CD28: variants seen among roughly 807,000 people sequenced by gnomAD.
CD28 encodes the protein CD28 molecule.
In CD28, 8 loss-of-function variants were observed where a neutral mutation model predicts 21.4. The observed-to-expected ratio is 0.37, with a 90% CI of 0.22 to 0.68. The LOEUF (loss-of-function observed/expected upper bound fraction) is 0.68, where lower values mean the gene tolerates loss of function less well. CD28 is among the 30% of genes least tolerant of loss of function. The probability of loss-of-function intolerance (pLI) is 0.55; values close to 1 mark genes in which losing one functional copy is unlikely to be tolerated. For missense variants in CD28, 239 were observed against 272.2 expected (o/e 0.88, Z 0.86); for synonymous variants, 106 against 104.0 (o/e 1.02, Z -0.12).
At chr2:203,724,643 C>T (rs112337644) in intron 1 of CD28, among the ~76,000 whole-genome samples, 74 of 152,236 alleles carry the variant, frequency 4.9e-4, no homozygotes, top group African/African-American at 1.5e-3. Flanking sequence ...CTTGGCCTCC[C>T]AAAGTGCTAG....
At chr2:203,734,637 C>T in intron 3 of CD28, 147 bp from the exon 4 acceptor site, 1 of 885,230 alleles carries the variant, frequency 1.1e-6, no homozygotes, top group Non-Finnish European at 1.8e-6. Context: ...TGTGATTAGT[C>T]ATTACCCAAG....
rs200453287 is a variant in CD28 at position 203,726,606 on chromosome 2, T to C, written c.53-27T>C. On this transcript the variant is annotated intron_variant, in intron 1 of 3. Transcript: ENST00000324106. The stretch of plus-strand genomic sequence containing the variant: ...AAAAATTATCCTTATATTCTTGTTC[T>C]AAGCAAATGATTTTTTTTTCCCCCA... The C allele has an allele frequency of 1.7e-4, 269 of 1,538,750 alleles. No homozygotes were observed. In the African/African-American group the frequency reaches 2.9e-3, roughly 17 times the overall value.
chr2:203,731,720 C>T (rs1401095814), intron 3 of CD28, among the ~76,000 whole-genome samples: 1 of 152,180 alleles, frequency 6.6e-6, no homozygotes, highest in Non-Finnish European at 1.5e-5. Flanking sequence ...GAATTTAAAC[C>T]GTTCACTTTC....
At chr2:203,709,948 TG>T (rs780297685) in intron 1 of CD28, among the ~76,000 whole-genome samples, 4 of 152,174 alleles carry the variant, frequency 2.6e-5, no homozygotes, top group Non-Finnish European at 5.9e-5. Context: ...GAGAGAGGCA[TG>T]GAAAGCAGGA....
rs1694027886 is a variant in CD28 at position 203,736,143 on chromosome 2, AGTT to A, written c.*1233_*1235del. 1 of 152,736 alleles carries A rather than the reference AGTT, an allele frequency of 6.5e-6. No individual in the cohort carries two copies. The highest frequency in any genetic ancestry group is 1.5e-5 in the Non-Finnish European group (1 of 68,088). 9.5% of individuals were successfully genotyped at this position (152,736 alleles called of 1,614,324 possible). Reference sequence around the variant, plus strand: ...TGTTTCATATGTTTCAGGGTTGCACAGTTGGTCTCTTTAATGTCGGTGTGGAGA... The same window carrying A: ...TGTTTCATATGTTTCAGGGTTGCACAGGTCTCTTTAATGTCGGTGTGGAGA... On this transcript the variant is annotated 3_prime_UTR_variant, in exon 4 of 4. Coordinates refer to ENST00000324106, the MANE Select transcript of CD28 (RefSeq NM_006139.4).
At chr2:203,723,281 G>C (rs1417498461) in intron 1 of CD28, among the ~76,000 whole-genome samples, 2 of 152,142 alleles carry the variant, frequency 1.3e-5, no homozygotes, top group East Asian at 3.8e-4. Flanking sequence ...GAGGTCAGGA[G>C]TTTGAGACCA....
intron 1 of CD28, among the ~76,000 whole-genome samples, chr2:203,725,146 G>A (rs996920154): frequency 8.6e-5 from 13 of 151,882 alleles, no homozygotes; most frequent in South Asian, 2.1e-4. Context: ...AAAATTAGCC[G>A]GGCATGGTGG....
Position 203,726,910 on chromosome 2 carries a change from C to T in CD28, c.330C>T (p.Tyr110=). 3.1e-6 allele frequency: 5 copies of T among 1,613,702 alleles called. No individual in the cohort carries two copies. The highest frequency in any genetic ancestry group is 2.2e-5 in the South Asian group (2 of 91,072). ...TGTATGTTAACCAAACAGATATTTA[C>T]TTCTGCAAAATTGAAGTTATGTATC... ...QNLYVNQTDI[Y]FCKIEVMYPP... is the part of the protein sequence containing the mutation. The change falls in exon 2 of 4, where the codon TAC becomes TAT. Residue 110 remains tyrosine (Y), a synonymous_variant. Coordinates refer to ENST00000324106, the MANE Select transcript of CD28 (RefSeq NM_006139.4).
chr2:203,734,479 G>T (rs1289252511), intron 3 of CD28, among the ~76,000 whole-genome samples: 1 of 152,246 alleles, frequency 6.6e-6, no homozygotes, highest in African/African-American at 2.4e-5. Context: ...GGGCCTTCAA[G>T]TGTATTTACA....
At chr2:203,714,634 C>T (rs903178641) in intron 1 of CD28, among the ~76,000 whole-genome samples, 3 of 152,100 alleles carry the variant, frequency 2.0e-5, no homozygotes, top group African/African-American at 7.2e-5. Context: ...AGAGTTTGGG[C>T]TGGAGGATAT....
intron 2 of CD28, among the ~76,000 whole-genome samples, chr2:203,729,437 G>A (rs1379290193): frequency 2.0e-5 from 3 of 152,122 alleles, no homozygotes; most frequent in South Asian, 2.1e-4. Flanking sequence ...CCATCCTAAC[G>A]TAATGGCTTT....
Position 203,726,667 on chromosome 2 carries a change from T to C in CD28, c.87T>C (p.Leu29=). The change falls in exon 2 of 4, where the codon CTT becomes CTC. Residue 29 remains leucine, a synonymous_variant. Transcript: ENST00000324106. ...NKILVKQSPM[L]VAYDNAVNLS... ...TTTTGGTGAAGCAGTCGCCCATGCT[T>C]GTAGCGTACGACAATGCGGTCAACC... The C allele has an allele frequency of 6.2e-7, 1 of 1,613,938 alleles. No individual in the cohort carries two copies. Among genetic ancestry groups the C allele is most frequent in the Non-Finnish European group, 8.5e-7 (1 of 1,179,856 alleles).
Position 203,706,756 on chromosome 2 carries a change from A to G in CD28, c.52+8A>G. ...CTTCAATTCAAGTAACAGGTAAACAATGTTAATGTCTTTCTTTCTGTAAAT... is the reference window on the plus strand; with the variant it reads ...CTTCAATTCAAGTAACAGGTAAACAGTGTTAATGTCTTTCTTTCTGTAAAT... On this transcript the variant is annotated splice_region_variant and intron_variant, in intron 1 of 3. Transcript: ENST00000324106. The G allele has an allele frequency of 3.8e-6, 6 of 1,582,920 alleles. No homozygotes were observed. The highest frequency in any genetic ancestry group is 5.2e-6 in the Non-Finnish European group (6 of 1,151,562).
intron 3 of CD28, among the ~76,000 whole-genome samples, chr2:203,730,266 T>G (rs1426192881): frequency 2.6e-5 from 4 of 152,206 alleles, no homozygotes; most frequent in Admixed American, 2.6e-4. Flanking sequence ...TTTTTTCTCC[T>G]CTGAAGCAGT....
At chr2:203,722,889 G>A (rs1255009537) in intron 1 of CD28, among the ~76,000 whole-genome samples, 2 of 152,164 alleles carry the variant, frequency 1.3e-5, no homozygotes, top group Non-Finnish European at 2.9e-5. Flanking sequence ...AGGAAATGAG[G>A]TTGGAAAAAC....
intron 2 of CD28, among the ~76,000 whole-genome samples, chr2:203,727,715 T>G (rs1693791049): frequency 6.6e-6 from 1 of 151,552 alleles, no homozygotes; most frequent in Non-Finnish European, 1.5e-5. Context: ...AGTCTTGCTC[T>G]GTCGCCCAGG....
intron 1 of CD28, among the ~76,000 whole-genome samples, chr2:203,718,156 C>T (rs1046677912): frequency 6.6e-6 from 1 of 152,084 alleles, no homozygotes; most frequent in Non-Finnish European, 1.5e-5. Context: ...GAAGCCAGGC[C>T]ACCAGCTAAG....
chr2:203,724,631 G>A (rs944008978), intron 1 of CD28, among the ~76,000 whole-genome samples: 6 of 152,024 alleles, frequency 3.9e-5, no homozygotes, highest in Admixed American at 6.6e-5. Context: ...CATTCATCCC[G>A]CCTTGGCCTC....
At chr2:203,732,874 A>G (rs535026869) in intron 3 of CD28, among the ~76,000 whole-genome samples, 4 of 152,214 alleles carry the variant, frequency 2.6e-5, no homozygotes, top group Non-Finnish European at 5.9e-5. Flanking sequence ...CTTGAGGATA[A>G]GCATGGGAGC....
Sources: allele counts gnomAD v4.1 joint callset (sites outside exome capture counted in the v4.1 genomes callset), GRCh38; gene constraint gnomAD v4.1.1; transcripts MANE v1.5; gene names NCBI Gene and HGNC (gene_info 2026-07-23, HGNC 2026-07-21).